PLA2G4D: variants seen among roughly 807,000 people sequenced by gnomAD.
PLA2G4D encodes the protein phospholipase A2 group IVD.
PLA2G4D carries 80 observed loss-of-function variants against 94.4 expected under a neutral mutation model. The ratio of observed to expected loss-of-function variants is 0.85; its 90% CI spans 0.71 to 1.02. The LOEUF (loss-of-function observed/expected upper bound fraction) is 1.02, where lower values mean the gene tolerates loss of function less well. PLA2G4D is among the 50% of genes least tolerant of loss of function. The pLI is 0.00. For synonymous variants in PLA2G4D, 438 were observed against 440.9 expected (o/e 0.99, Z 0.08); for missense variants, 1,050 against 1,034.7 (o/e 1.01, Z -0.20).
At position 42,086,194 on chromosome 15, in the gene PLA2G4D, T is replaced by TGGGGGCCC; in HGVS notation, c.387+18_387+19insGGGCCCCC. ...GGAAGAAGTGGGGCCCACGGGGACT[T>TGGGGGCCC]CCCCACCCACCCACCCACCTGGGGA... On this transcript the variant is annotated intron_variant, in intron 4 of 19. Coordinates refer to ENST00000290472, the MANE Select transcript of PLA2G4D (RefSeq NM_178034.4). The TGGGGGCCC allele has an allele frequency of 1.5e-6, 2 of 1,370,444 alleles. No homozygotes were observed. Among genetic ancestry groups the TGGGGGCCC allele is most frequent in the Non-Finnish European group, 1.9e-6 (2 of 1,043,084 alleles). 84.9% of individuals were successfully genotyped at this position (1,370,444 alleles called of 1,614,324 possible).
intron 15 of PLA2G4D, 104 bp from the exon 16 acceptor site, chr15:42,071,655 T>TCCCCC: frequency 2.9e-5 from 34 of 1,178,946 alleles, no homozygotes; most frequent in Non-Finnish European, 3.7e-5. Context: ...CTACAATGCA[T>TCCCCC]CCCCCCCGCC....
intron 1 of PLA2G4D, among the ~76,000 whole-genome samples, 158 bp from the exon 2 acceptor site, chr15:42,087,858 G>A (rs1169801161): frequency 1.3e-5 from 2 of 152,244 alleles, no homozygotes; most frequent in Non-Finnish European, 2.9e-5. Context: ...GGACCAAAGA[G>A]CCTTTGTCCA....
rs756102287 is a variant in PLA2G4D, at chr15:42,094,503, T to G, written c.-44A>C. 1 of 1,613,068 alleles carries G rather than the reference T, an allele frequency of 6.2e-7. No homozygotes were observed. The highest frequency in any genetic ancestry group is 1.7e-5 in the Admixed American group (1 of 59,990). ...ACTCCAGGCCCAGCCCTTGCCAAGATGCTGGCTCTCTGGCTGAGTGGCAGC... is the reference window on the plus strand; with the variant it reads ...ACTCCAGGCCCAGCCCTTGCCAAGAGGCTGGCTCTCTGGCTGAGTGGCAGC... On this transcript the variant is annotated 5_prime_UTR_variant, in exon 1 of 20. Coordinates refer to ENST00000290472, the MANE Select transcript of PLA2G4D (RefSeq NM_178034.4).
intron 13 of PLA2G4D, among the ~76,000 whole-genome samples, chr15:42,075,147 G>T (rs1334750335): frequency 6.6e-6 from 1 of 152,168 alleles, no homozygotes; most frequent in Non-Finnish European, 1.5e-5. Flanking sequence ...TCATTTTTAA[G>T]AATATATAGG....
intron 1 of PLA2G4D, among the ~76,000 whole-genome samples, chr15:42,090,557 A>G: frequency 6.6e-6 from 1 of 152,178 alleles, no homozygotes; most frequent in East Asian, 1.9e-4. Context: ...GTTCCCTGCT[A>G]GCACCGGTGC....
chr15:42,081,512 G>A lies in PLA2G4D; in HGVS notation c.924C>T (p.Ala308=), dbSNP rs769949330. 6.2e-7 allele frequency: 1 copy of A among 1,614,120 alleles called. No homozygotes were observed. The highest frequency in any genetic ancestry group is 8.5e-7 in the Non-Finnish European group (1 of 1,180,016). ...CCTGCAGGTCTCTGTCCAGCTGCAG[G>A]GCCTGCTTCAGGGCCTTGGCCACCA... ...KQVVAKALKQ[A]LQLDRDLQED... is the part of the protein sequence containing the mutation. The change falls in exon 11 of 20, where the codon GCC becomes GCT. Residue 308 remains alanine, a synonymous_variant. Transcript: ENST00000290472.
intron 13 of PLA2G4D, among the ~76,000 whole-genome samples, chr15:42,073,671 T>C (rs753307781): frequency 2.6e-5 from 4 of 152,322 alleles, no homozygotes; most frequent in Admixed American, 2.6e-4. Context: ...CGTGAGAGCA[T>C]GTGAAGCATG....
intron 13 of PLA2G4D, 55 bp from the exon 14 acceptor site, chr15:42,072,447 T>G: frequency 7.0e-7 from 1 of 1,435,248 alleles, no homozygotes; most frequent in South Asian, 1.2e-5. Flanking sequence ...CTGGAGGCAG[T>G]GGCTCCGCCA....
intron 18 of PLA2G4D, 52 bp from the exon 19 acceptor site, chr15:42,070,147 T>G: frequency 7.0e-7 from 1 of 1,418,692 alleles, no homozygotes; most frequent in South Asian, 1.4e-5. Flanking sequence ...AGGTCAATGC[T>G]GGGCCAGTTC....
chr15:42,083,323 G>T lies in PLA2G4D; in HGVS notation c.547C>A (p.Leu183Met). 1 of 1,613,490 alleles carries T rather than the reference G, an allele frequency of 6.2e-7. No individual in the cohort carries two copies. The highest frequency in any genetic ancestry group is 2.2e-5 in the East Asian group (1 of 44,896). The change falls in exon 8 of 20, where the codon CTG becomes ATG. Residue 183 changes from leucine to methionine, a missense_variant. By Grantham distance (15) the Leu-to-Met change is conservative (BLOSUM62 2). Coordinates refer to ENST00000290472, the MANE Select transcript of PLA2G4D (RefSeq NM_178034.4). ...CCCTTCAGCACCAGCTCCAGCTCCA[G>T]CTTGTCCTGATCTAGGGAGAGAGTA... ...STAVVADQDKLELELVLKGSY... is the reference protein window; with the variant it reads ...STAVVADQDKMELELVLKGSY...
In PLA2G4D at chr15:42,079,736, T is replaced by TC; in HGVS notation, c.1117dup (p.Asp373GlyfsTer3). ...CAGGTCCCTCTGCGACCACTCAGGG[T>TC]CCCCGTACAGGTGGGCCATTGTCCT... On this transcript the variant is annotated frameshift_variant, in exon 13 of 20. Coordinates refer to ENST00000290472, the MANE Select transcript of PLA2G4D (RefSeq NM_178034.4). LOFTEE classifies it high-confidence loss of function. 1 of 1,604,090 alleles carries TC rather than the reference T, an allele frequency of 6.2e-7. No individual in the cohort carries two copies. Among genetic ancestry groups the TC allele is most frequent in the Non-Finnish European group, 8.5e-7 (1 of 1,176,416 alleles).
Position 42,084,946 on chromosome 15 carries a change from A to C in PLA2G4D, c.471+150T>G. 1 of 832,214 alleles carries C rather than the reference A, an allele frequency of 1.2e-6. No homozygotes were observed. Among genetic ancestry groups the C allele is most frequent in the East Asian group, 2.6e-5 (1 of 38,174 alleles). The allele number at this position is 832,214 out of a possible 1,614,324, so 51.6% of individuals were successfully genotyped here. On this transcript the variant is annotated intron_variant, in intron 6 of 19. Transcript: ENST00000290472. This position sits in a 1 kb window ranked among gnomAD's most constrained non-coding sequence, Gnocchi z 4.8. The stretch of plus-strand genomic sequence containing the variant: ...AGGCCCCTCCAAGACCCACAGCCAC[A>C]GGTGACCACCTGGCTGGAAGGCTAG...
chr15:42,085,557 C>T (rs772847511), intron 4 of PLA2G4D, 26 bp from the exon 5 acceptor site: 8 of 1,609,098 alleles, frequency 5.0e-6, no homozygotes, highest in African/African-American at 1.3e-5. Flanking sequence ...ATGAGCAAGT[C>T]ATCAGCACAT....
intron 3 of PLA2G4D, 43 bp downstream of exon 3, chr15:42,087,257 C>T (rs1890167340): frequency 3.1e-6 from 5 of 1,612,702 alleles, no homozygotes; most frequent in Non-Finnish European, 4.2e-6. Context: ...CATGGGGGTC[C>T]AGCCCGTTCA....
At chr15:42,075,268 T>C (rs1889898026) in intron 13 of PLA2G4D, among the ~76,000 whole-genome samples, 1 of 152,208 alleles carries the variant, frequency 6.6e-6, no homozygotes, top group Non-Finnish European at 1.5e-5. Context: ...ATTACTGGAG[T>C]ATCCAATGGT....
At chr15:42,090,843 A>G (rs1483354316) in intron 1 of PLA2G4D, among the ~76,000 whole-genome samples, 1 of 152,070 alleles carries the variant, frequency 6.6e-6, no homozygotes, top group Non-Finnish European at 1.5e-5. Context: ...TTAGGACTGC[A>G]ATAATTCAGA....
In PLA2G4D at chr15:42,067,378, A is replaced by T. The variant is rs1398518762; in HGVS notation, c.*1337T>A. 4 of 152,048 alleles carry T rather than the reference A, an allele frequency of 2.6e-5. No individual in the cohort carries two copies. The highest frequency in any genetic ancestry group is 9.7e-5 in the African/African-American group (4 of 41,370). The allele number at this position is 152,048 out of a possible 1,614,324, so 9.4% of individuals were successfully genotyped here. On this transcript the variant is annotated 3_prime_UTR_variant, in exon 20 of 20. Coordinates refer to ENST00000290472, the MANE Select transcript of PLA2G4D (RefSeq NM_178034.4). The stretch of plus-strand genomic sequence containing the variant: ...TGGTGAGACCTCATCTCTACAAAAA[A>T]CCATTTTTTTAATTTAGCCAAGTAT...
At chr15:42,089,672 T>G (rs963967836) in intron 1 of PLA2G4D, among the ~76,000 whole-genome samples, 6 of 152,144 alleles carry the variant, frequency 3.9e-5, no homozygotes, top group Non-Finnish European at 8.8e-5. Flanking sequence ...ATGGCTGGGA[T>G]GCTGGGGCCC....
intron 1 of PLA2G4D, 106 bp downstream of exon 1, chr15:42,094,308 TG>T: frequency 7.6e-7 from 1 of 1,318,164 alleles, no homozygotes; most frequent in Non-Finnish European, 1.1e-6. Context: ...CCTCGCCCTC[TG>T]GCCCAGTCTG....
Sources: allele counts gnomAD v4.1 joint callset (sites outside exome capture counted in the v4.1 genomes callset), GRCh38; gene constraint gnomAD v4.1.1; non-coding constraint Gnocchi (gnomAD v3.1); transcripts MANE v1.5; gene names NCBI Gene and HGNC (gene_info 2026-07-23, HGNC 2026-07-21).